MYO9A: variants seen among roughly 807,000 people sequenced by gnomAD.
MYO9A encodes the protein unconventional myosin-IXa.
MYO9A carries 103 observed loss-of-function variants against 293.3 expected under a neutral mutation model. The observed-to-expected ratio is 0.35, with a 90% confidence interval of 0.30 to 0.41. MYO9A has a LOEUF of 0.41. MYO9A is among the 10% of genes least tolerant of loss of function. The pLI is 1.00. For synonymous variants in MYO9A, 1,001 were observed against 1,035.7 expected, an observed-to-expected ratio of 0.97 and a Z score of 0.64; for missense variants, 2,685 against 3,033.0, an observed-to-expected ratio of 0.89 and a Z score of 2.69.
chr15:72,036,735 G>A lies in MYO9A; in HGVS notation c.841-4147C>T, dbSNP rs927196264. ...TATGTTTTGTTTTGTTTTGTTTTGAGACAAGATCTCGTTCTGTCACCCATG... is the reference window on the plus strand; with the variant it reads ...TATGTTTTGTTTTGTTTTGTTTTGAAACAAGATCTCGTTCTGTCACCCATG... On this transcript the variant is annotated intron_variant, in intron 2 of 41. Coordinates refer to ENST00000356056, the MANE Select transcript of MYO9A (RefSeq NM_006901.4). 2.8e-4 allele frequency: 43 copies of A among 152,362 alleles called. 1 individual carries two copies. The highest frequency in any genetic ancestry group is 1.3e-4 in the Admixed American group (2 of 15,258). The allele number at this position is 152,362 out of a possible 1,614,324, so 9.4% of individuals were successfully genotyped here. A position where few individuals can be genotyped will look rare whatever the true frequency, so the allele number is the denominator to read the frequency against.
chr15:72,018,195 T>G (rs2077397840), intron 6 of MYO9A, among the ~76,000 whole-genome samples: 1 of 152,130 alleles, frequency 6.6e-6, no homozygotes, highest in Non-Finnish European at 1.5e-5. Flanking sequence ...AGGCTGGGCA[T>G]AGTGGCTCAT....
intron 13 of MYO9A, among the ~76,000 whole-genome samples, chr15:71,965,385 CA>C (rs1397020104): frequency 6.6e-6 from 1 of 151,900 alleles, no homozygotes; most frequent in Non-Finnish European, 1.5e-5. Context: ...AAAAAATCTA[CA>C]ATTATGATGG....
chr15:72,071,038 A>C (rs2079174422), intron 1 of MYO9A, among the ~76,000 whole-genome samples: 2 of 152,238 alleles, frequency 1.3e-5, no homozygotes, highest in Admixed American at 6.5e-5. Context: ...CTGCAATAAA[A>C]CCAAAAACTG....
intron 34 of MYO9A, chr15:71,858,688 C>A (rs1459715031): frequency 2.5e-5 from 3 of 120,762 alleles, no homozygotes; most frequent in Non-Finnish European, 4.8e-5. Flanking sequence ...GGGAACATCA[C>A]ACACTGGGGC....
intron 1 of MYO9A, among the ~76,000 whole-genome samples, chr15:72,087,356 A>G (rs977214243): frequency 6.6e-6 from 1 of 152,188 alleles, no homozygotes; most frequent in African/African-American, 2.4e-5. Flanking sequence ...CTCCTGCACC[A>G]AACCCTCTGG....
chr15:71,847,879 T>C (rs2055459294), intron 39 of MYO9A, among the ~76,000 whole-genome samples: 1 of 152,178 alleles, frequency 6.6e-6, no homozygotes, highest in African/African-American at 2.4e-5. Flanking sequence ...CAACAGACCT[T>C]TGTTAAGCAC....
At chr15:71,983,826 C>A (rs538271499) in intron 11 of MYO9A, among the ~76,000 whole-genome samples, 1 of 152,318 alleles carries the variant, frequency 6.6e-6, no homozygotes, top group Non-Finnish European at 1.5e-5. Context: ...TTAACTTTGC[C>A]TCATTAATAT....
Position 71,959,745 on chromosome 15 carries a change from A to C in MYO9A, c.2182+156T>G, listed in dbSNP as rs1290846418. On this transcript the variant is annotated intron_variant, in intron 14 of 41. Coordinates refer to ENST00000356056, the MANE Select transcript of MYO9A (RefSeq NM_006901.4). The stretch of plus-strand genomic sequence containing the variant: ...AAAAGAAAAACTGTTCATAGTCACA[A>C]ATCAGTTAAGAGATGACACTAGATT... The C allele has an allele frequency of 6.2e-6, 4 of 645,918 alleles. No individual in the cohort carries two copies. The African/African-American group carries it at 7.3e-5, about 12-fold the overall frequency. 40.0% of individuals were successfully genotyped at this position (645,918 alleles called of 1,614,324 possible).
At position 71,910,288 on chromosome 15, in the gene MYO9A, T is replaced by A. The variant is rs370196608; in HGVS notation, c.2686-5282A>T. On this transcript the variant is annotated intron_variant, in intron 19 of 41. Transcript: ENST00000356056. ...TTTCCACACCCCAACCAAGGGTAATTATTATTCTTACTTTTAAGATGATAA... is the reference window on the plus strand; with the variant it reads ...TTTCCACACCCCAACCAAGGGTAATAATTATTCTTACTTTTAAGATGATAA... Among the ~76,000 whole-genome samples, 3 of 151,120 alleles carry A rather than the reference T, an allele frequency of 2.0e-5. No individual in the cohort carries two copies. In the East Asian group the frequency reaches 5.8e-4, roughly 29 times the overall value.
At chr15:71,853,465 T>A (rs537655792) in intron 35 of MYO9A, among the ~76,000 whole-genome samples, 34 of 152,274 alleles carry the variant, frequency 2.2e-4, no homozygotes, top group African/African-American at 7.7e-4. Context: ...AGAGACAAAG[T>A]CAGTAACTGC....
At chr15:72,039,598 AGGTG>A (rs879342386) in intron 2 of MYO9A, among the ~76,000 whole-genome samples, 132 of 151,968 alleles carry the variant, frequency 8.7e-4, no homozygotes, top group Non-Finnish European at 1.8e-3. Flanking sequence ...TAAGAGGCTG[AGGTG>A]GGTGGATCAT....
chr15:72,099,163 GGGGCA>G (rs2080170953), intron 1 of MYO9A, among the ~76,000 whole-genome samples: 1 of 152,098 alleles, frequency 6.6e-6, no homozygotes, highest in Non-Finnish European at 1.5e-5. Context: ...GTCCAGGCCA[GGGGCA>G]GGGCCTCACA....
chr15:72,017,299 C>T (rs905161814), intron 6 of MYO9A, among the ~76,000 whole-genome samples: 1 of 152,068 alleles, frequency 6.6e-6, no homozygotes, highest in African/African-American at 2.4e-5. Context: ...AGGCGTGAGC[C>T]ACTACTCTCG....
chr15:72,034,429 A>T (rs2149463768), intron 2 of MYO9A, among the ~76,000 whole-genome samples: 1 of 152,356 alleles, frequency 6.6e-6, no homozygotes, highest in African/African-American at 2.4e-5. Context: ...GCAAAGATTC[A>T]TAAAAATCTC....
At chr15:71,990,707 A>T (rs1265852498) in intron 11 of MYO9A, among the ~76,000 whole-genome samples, 1 of 150,162 alleles carries the variant, frequency 6.7e-6, no homozygotes, top group African/African-American at 2.4e-5. Flanking sequence ...CAGTGAGCCG[A>T]GATTGGGCCA....
intron 1 of MYO9A, among the ~76,000 whole-genome samples, chr15:72,061,123 G>A (rs1411390116): frequency 6.6e-6 from 1 of 152,146 alleles, no homozygotes; most frequent in African/African-American, 2.4e-5. Flanking sequence ...GTCCTGGCAG[G>A]ATTTATCAAC....
rs376088008 is a variant in MYO9A, at chr15:72,007,699, A to G, written c.1380+127T>C. 4.3e-5 allele frequency: 37 copies of G among 858,266 alleles called. No homozygotes were observed. In the East Asian group the frequency reaches 4.9e-4, roughly 11 times the overall value. The allele number at this position is 858,266 out of a possible 1,614,324, so 53.2% of individuals were successfully genotyped here. A position where few individuals can be genotyped will look rare whatever the true frequency, so the allele number is the denominator to read the frequency against. On this transcript the variant is annotated intron_variant, in intron 8 of 41. Coordinates refer to ENST00000356056, the MANE Select transcript of MYO9A (RefSeq NM_006901.4). Reference sequence around the variant, plus strand: ...ATTAGATCTTTTGGAAATGCTATTTAAAAATAGTGCCTAATAAAAGCATTA... The same window carrying G: ...ATTAGATCTTTTGGAAATGCTATTTGAAAATAGTGCCTAATAAAAGCATTA...
intron 1 of MYO9A, among the ~76,000 whole-genome samples, chr15:72,075,566 TTAA>T (rs771280249): frequency 1.4e-3 from 219 of 152,008 alleles, no homozygotes; most frequent in Non-Finnish European, 2.7e-3. Context: ...CTAAATAGAC[TTAA>T]TAACAGATGA....
At chr15:72,109,220 C>G (rs1346486177) in intron 1 of MYO9A, among the ~76,000 whole-genome samples, 1 of 151,620 alleles carries the variant, frequency 6.6e-6, no homozygotes, top group Non-Finnish European at 1.5e-5. Context: ...GAAACGCCAC[C>G]TCTACTAAAA....
Sources: gnomAD v4.1 joint callset for allele counts (sites outside exome capture counted in the v4.1 genomes callset) on GRCh38, gnomAD v4.1.1 for gene constraint, MANE v1.5 for transcripts, NCBI Gene and HGNC (gene_info 2026-07-23, HGNC 2026-07-21) for gene names.